Variants in DLD observed in about 807,000 individuals in gnomAD.
DLD encodes dihydrolipoyl dehydrogenase, mitochondrial.
A neutral mutation model predicts 62.2 loss-of-function variants in DLD; 36 were observed. The ratio of observed to expected loss-of-function variants is 0.58; its 90% CI spans 0.44 to 0.76. The LOEUF is 0.76. Among genes scored for constraint, DLD ranks in the 30% least tolerant of loss-of-function variants. DLD has a pLI of 0.00. For synonymous variants in DLD, 204 were observed against 199.6 expected (o/e 1.02, Z -0.19); for missense variants, 541 against 608.6 (o/e 0.89, Z 1.17).
chr7:107,899,387 T>A (rs908134503), intron 2 of DLD, among the ~76,000 whole-genome samples: 3 of 151,582 alleles, frequency 2.0e-5, no homozygotes, highest in African/African-American at 7.3e-5. Context: ...CACCTAAGAT[T>A]ACATAGTGAA....
At position 107,915,539 on chromosome 7, in the gene DLD, A is replaced by G; in HGVS notation, c.718A>G (p.Thr240Ala). The G allele has an allele frequency of 6.2e-7, 1 of 1,613,948 alleles. No individual in the cohort carries two copies. Among genetic ancestry groups the G allele is most frequent in the Non-Finnish European group, 8.5e-7 (1 of 1,179,908 alleles). ...SVWQRLGADV[T>A]AVEFLGHVGG... ...TTGGCAAAGACTTGGTGCAGATGTG[A>G]CAGCAGTTGAATTTTTAGGTCATGT... Residue 240 changes from threonine (T) to alanine (A), a missense_variant, in exon 9 of 14, where the codon ACA becomes GCA. Physicochemically the swap from Thr to Ala is moderately conservative, Grantham distance 58. Transcript: ENST00000205402.
At chr7:107,907,534 C>T (rs2032036989) in intron 8 of DLD, among the ~76,000 whole-genome samples, 1 of 152,148 alleles carries the variant, frequency 6.6e-6, no homozygotes, top group Non-Finnish European at 1.5e-5. Flanking sequence ...ATGCTTTTAC[C>T]TGTTGTTACA....
intron 7 of DLD, 95 bp downstream of exon 7, chr7:107,905,599 T>A: frequency 1.5e-6 from 2 of 1,336,046 alleles, no homozygotes; most frequent in Admixed American, 3.4e-5. Flanking sequence ...GAGAGATTTC[T>A]GACTGAAATA....
chr7:107,920,012 T>A lies in DLD; in HGVS notation c.*753T>A, dbSNP rs1043270542. On this transcript the variant is annotated 3_prime_UTR_variant, in exon 14 of 14. Transcript: ENST00000205402. ...GTGTTGAGATGGTCATAGTTTTTTT[T>A]ATGACTACTTCTAGTGTATATTCTA... 6.6e-6 allele frequency: 1 copy of A among 152,392 alleles called. No homozygotes were observed. Among genetic ancestry groups the A allele is most frequent in the Non-Finnish European group, 1.5e-5 (1 of 68,056 alleles). 9.4% of individuals were successfully genotyped at this position (152,392 alleles called of 1,614,324 possible).
chr7:107,918,410 C>T (rs1284247393), intron 12 of DLD, among the ~76,000 whole-genome samples: 1 of 152,178 alleles, frequency 6.6e-6, no homozygotes, highest in African/African-American at 2.4e-5. Context: ...CTCTCTTTTA[C>T]TCATTAATGC....
chr7:107,893,044 G>C (rs1001999672), intron 1 of DLD, among the ~76,000 whole-genome samples, 156 bp from the exon 2 acceptor site: 1 of 152,192 alleles, frequency 6.6e-6, no homozygotes, highest in Non-Finnish European at 1.5e-5. Flanking sequence ...TCAAAGAGGG[G>C]ATATTGATCT....
chr7:107,909,037 G>C (rs992717155), intron 8 of DLD, among the ~76,000 whole-genome samples: 4 of 152,160 alleles, frequency 2.6e-5, no homozygotes, highest in Non-Finnish European at 5.9e-5. Flanking sequence ...GTTGTAGAGA[G>C]TACTTCTTTT....
At chr7:107,899,486 C>T (rs552867132) in intron 2 of DLD, among the ~76,000 whole-genome samples, 1 of 151,742 alleles carries the variant, frequency 6.6e-6, no homozygotes, top group South Asian at 2.1e-4. Context: ...CTTTTCCAAA[C>T]CAAATTTATT....
In DLD at chr7:107,919,187, C is replaced by G. The variant is rs886061908; in HGVS notation, c.1465-7C>G. 3.1e-6 allele frequency: 5 copies of G among 1,613,188 alleles called. No individual in the cohort carries two copies. The highest frequency in any genetic ancestry group is 4.2e-6 in the Non-Finnish European group (5 of 1,179,486). ...TGGATTTTAATTTTAAATTTCTTCC[C>G]TTGCAGACCTTATCAGAAGCTTTTA... On this transcript the variant is annotated splice_region_variant and splice_polypyrimidine_tract_variant and intron_variant, in intron 13 of 13. Transcript: ENST00000205402.
chr7:107,896,295 T>C (rs953348074), intron 2 of DLD, among the ~76,000 whole-genome samples: 5 of 152,104 alleles, frequency 3.3e-5, no homozygotes, highest in Admixed American at 2.0e-4. Flanking sequence ...TGGACTGAAG[T>C]TTGGAGGTGG....
intron 4 of DLD, among the ~76,000 whole-genome samples, chr7:107,902,688 C>T (rs1478100500): frequency 1.3e-5 from 2 of 152,190 alleles, no homozygotes; most frequent in South Asian, 2.1e-4. Context: ...TTTCCTTCAC[C>T]AGTGTAACAG....
At chr7:107,918,096 A>C in intron 12 of DLD, 35 bp downstream of exon 12, 2 of 1,612,810 alleles carry the variant, frequency 1.2e-6, no homozygotes, top group Non-Finnish European at 1.7e-6. Context: ...TCCCATTAAG[A>C]TTTCTAGAAA....
In DLD at chr7:107,919,622, A is replaced by C; in HGVS notation, c.*363A>C. ...TTTACATGGCTGGAGCTAGAATTTG[A>C]TATGTGAACAGTTGTGTTTGAAGCA... On this transcript the variant is annotated 3_prime_UTR_variant, in exon 14 of 14. Coordinates refer to ENST00000205402, the MANE Select transcript of DLD (RefSeq NM_000108.5). 1 of 215,650 alleles carries C rather than the reference A, an allele frequency of 4.6e-6. No individual in the cohort carries two copies. Among genetic ancestry groups the C allele is most frequent in the Non-Finnish European group, 9.3e-6 (1 of 107,946 alleles). The allele number at this position is 215,650 out of a possible 1,614,324, so 13.4% of individuals were successfully genotyped here. A position where few individuals can be genotyped will look rare whatever the true frequency, so the allele number is the denominator to read the frequency against.
rs763303046 is a variant in DLD at position 107,901,780 on chromosome 7, A to G, written c.161A>G (p.Tyr54Cys). Residue 54 changes from tyrosine (Y) to cysteine (C), a missense_variant, in exon 3 of 14, where the codon TAT becomes TGT. By Grantham distance (194) the Tyr-to-Cys change is radical. Coordinates refer to ENST00000205402, the MANE Select transcript of DLD (RefSeq NM_000108.5). ...VTVIGSGPGG[Y>C]VAAIKAAQLG... ...GTTATAGGTTCTGGTCCTGGAGGAT[A>G]TGTTGCTGCTATTAAAGCTGCCCAG... The G allele has an allele frequency of 1.2e-6, 2 of 1,613,634 alleles. No individual in the cohort carries two copies. Among genetic ancestry groups the G allele is most frequent in the African/African-American group, 1.3e-5 (1 of 74,906 alleles).
chr7:107,919,078 TAG>T lies in DLD; in HGVS notation c.1446_1447del (p.Arg482SerfsTer13), dbSNP rs1554400713. Reference protein sequence around the residue: ...EYGASCEDIARVCHAHPTLSE... With the variant: ...EYGASCEDIAXVCHAHPTLSE... ...ATGGAGCATCCTGTGAAGATATAGC[TAG>T]AGTCTGTCATGCACATCCGGTAATT... On this transcript the variant is annotated frameshift_variant, in exon 13 of 14. Transcript: ENST00000205402. LOFTEE classifies it high-confidence loss of function. 6.2e-7 allele frequency: 1 copy of T among 1,613,876 alleles called. No individual in the cohort carries two copies. The highest frequency in any genetic ancestry group is 8.5e-7 in the Non-Finnish European group (1 of 1,179,792).
At chr7:107,907,011 T>C (rs909674989) in intron 8 of DLD, among the ~76,000 whole-genome samples, 1 of 152,242 alleles carries the variant, frequency 6.6e-6, no homozygotes, top group African/African-American at 2.4e-5. Context: ...CAGTTATTCA[T>C]AGTGTACTTT....
At chr7:107,893,174 A>C in intron 1 of DLD, 26 bp from the exon 2 acceptor site, 1 of 1,597,760 alleles carries the variant, frequency 6.3e-7, no homozygotes, top group Non-Finnish European at 8.6e-7. Context: ...CATATCTTAC[A>C]TAATAGGGAC....
Position 107,905,451 on chromosome 7 carries a change from A to T in DLD, c.529A>T (p.Lys177Ter). The change falls in exon 7 of 14, where the codon AAG becomes TAG. Residue 177 changes from lysine to a stop codon, truncating the protein, a stop_gained. Transcript: ENST00000205402. LOFTEE classifies it high-confidence loss of function. ...TGGCGGCACTCAGGTTATTGATACAAAGAACATTCTTATAGCCACGGGTTC... is the reference window on the plus strand; with the variant it reads ...TGGCGGCACTCAGGTTATTGATACATAGAACATTCTTATAGCCACGGGTTC... ...ADGGTQVIDT[K>*]NILIATGSEV... 1 of 1,613,872 alleles carries T rather than the reference A, an allele frequency of 6.2e-7. No homozygotes were observed. Among genetic ancestry groups the T allele is most frequent in the Non-Finnish European group, 8.5e-7 (1 of 1,179,796 alleles).
At chr7:107,913,426 T>C (rs545220650) in intron 8 of DLD, among the ~76,000 whole-genome samples, 14 of 152,218 alleles carry the variant, frequency 9.2e-5, no homozygotes, top group Admixed American at 9.2e-4. Context: ...TTTTTAGTTT[T>C]TTATTGTATA....
Sources: allele counts gnomAD v4.1 joint callset (sites outside exome capture counted in the v4.1 genomes callset), GRCh38; gene constraint gnomAD v4.1.1; transcripts MANE v1.5; gene names NCBI Gene and HGNC (gene_info 2026-07-23, HGNC 2026-07-21).